LRP2: variants seen among roughly 807,000 people sequenced by gnomAD.
LRP2 encodes the protein LDL receptor related protein 2.
LRP2 carries 172 observed loss-of-function variants against 531.0 expected under a neutral mutation model. The ratio of observed to expected loss-of-function variants is 0.32; its 90% CI spans 0.29 to 0.37. The LOEUF is 0.37. Ranked by LOEUF, LRP2 falls within the 10% of genes least tolerant of loss-of-function variation. The probability of loss-of-function intolerance (pLI) is 1.00; values close to 1 mark genes in which losing one functional copy is unlikely to be tolerated. For missense variants in LRP2, 5,167 were observed against 5,868.3 expected, an observed-to-expected ratio of 0.88 and a Z score of 3.90; for synonymous variants, 1,992 against 2,027.6, an observed-to-expected ratio of 0.98 and a Z score of 0.47.
At chr2:169,178,758 T>C (rs1687311123) in intron 52 of LRP2, among the ~76,000 whole-genome samples, 1 of 152,112 alleles carries the variant, frequency 6.6e-6, no homozygotes, top group Non-Finnish European at 1.5e-5. Context: ...ATTTCTAAAA[T>C]AGTGAAAATT....
At position 169,146,644 on chromosome 2, in the gene LRP2, C is replaced by T. The variant is rs535833799; in HGVS notation, c.12811+95G>A. 1.6e-5 allele frequency: 17 copies of T among 1,065,424 alleles called. No individual in the cohort carries two copies. The South Asian group carries it at 2.2e-4, about 14-fold the overall frequency. 66.0% of individuals were successfully genotyped at this position (1,065,424 alleles called of 1,614,324 possible). On this transcript the variant is annotated intron_variant, in intron 69 of 78. Transcript: ENST00000649046. ...ATCTAAAAAACTATATAAGCCATTT[C>T]CTAAGAGCAGGGCTCCTTCTTGAGA... is the stretch of plus-strand genomic sequence containing the variant.
At chr2:169,294,086 C>T (rs1684073855) in intron 6 of LRP2, 62 bp downstream of exon 6, 16 of 1,233,628 alleles carry the variant, frequency 1.3e-5, no homozygotes, top group Non-Finnish European at 1.9e-5. Context: ...TAAAACAAAA[C>T]AAAACCGAAA....
At chr2:169,189,980 GA>G (rs955666780) in intron 48 of LRP2, among the ~76,000 whole-genome samples, 1 of 152,160 alleles carries the variant, frequency 6.6e-6, no homozygotes, top group African/African-American at 2.4e-5. Flanking sequence ...GAAGAACCCA[GA>G]AAGCTCAGAA....
At chr2:169,160,778 C>T (rs1173721626) in intron 63 of LRP2, among the ~76,000 whole-genome samples, 1 of 151,744 alleles carries the variant, frequency 6.6e-6, no homozygotes, top group Non-Finnish European at 1.5e-5. Flanking sequence ...AGTCAGAACC[C>T]AAACCTGCCA....
At chr2:169,157,957 T>TAAATTAAA (rs568534822) in intron 63 of LRP2, among the ~76,000 whole-genome samples, 3 of 145,974 alleles carry the variant, frequency 2.1e-5, no homozygotes, top group Admixed American at 1.4e-4. Flanking sequence ...AATAAATAAA[T>TAAATTAAA]AAAAGACATG....
chr2:169,275,303 T>C, intron 13 of LRP2, 65 bp from the exon 14 acceptor site: 1 of 1,265,126 alleles, frequency 7.9e-7, no homozygotes, highest in Non-Finnish European at 1.1e-6. Flanking sequence ...ATTAAAGCTG[T>C]AGTTAGTTCA....
intron 37 of LRP2, among the ~76,000 whole-genome samples, chr2:169,211,551 T>C (rs933107661): frequency 3.3e-5 from 5 of 152,188 alleles, no homozygotes; most frequent in African/African-American, 1.2e-4. Context: ...TAAATCTCCA[T>C]TAATAATCAG....
chr2:169,278,169 A>G (rs560888030), intron 12 of LRP2, among the ~76,000 whole-genome samples: 1 of 152,088 alleles, frequency 6.6e-6, no homozygotes, highest in South Asian at 2.1e-4. Context: ...ATTATGATGC[A>G]CTAATATGGC....
chr2:169,317,099 A>G (rs561797278), intron 3 of LRP2, among the ~76,000 whole-genome samples: 15 of 152,320 alleles, frequency 9.8e-5, no homozygotes, highest in Non-Finnish European at 1.9e-4. Context: ...TAAAAATGGG[A>G]GAATTGCCTC....
intron 5 of LRP2, 85 bp from the exon 6 acceptor site, chr2:169,294,346 G>T: frequency 2.3e-6 from 2 of 876,324 alleles, no homozygotes; most frequent in Non-Finnish European, 3.9e-6. Flanking sequence ...AGCATCTCCA[G>T]TTTAAAAAGG....
intron 33 of LRP2, among the ~76,000 whole-genome samples, chr2:169,221,903 A>C (rs1689026908): frequency 6.6e-6 from 1 of 150,720 alleles, no homozygotes; most frequent in Admixed American, 6.6e-5. Flanking sequence ...GAATATATAG[A>C]GCTCTCTCTC....
intron 48 of LRP2, 52 bp downstream of exon 48, chr2:169,191,779 AG>A (rs1687837851): frequency 5.9e-6 from 9 of 1,530,604 alleles, no homozygotes; most frequent in Non-Finnish European, 8.1e-6. Flanking sequence ...AAGTGAGCCC[AG>A]CCCCCATGGA....
At chr2:169,356,138 C>T (rs1685980540) in intron 1 of LRP2, among the ~76,000 whole-genome samples, 1 of 152,202 alleles carries the variant, frequency 6.6e-6, no homozygotes, top group African/African-American at 2.4e-5. Context: ...GCAATCCGCT[C>T]ACCTCAGACT....
At chr2:169,272,348 T>C (rs1227457193) in intron 15 of LRP2, among the ~76,000 whole-genome samples, 2 of 152,074 alleles carry the variant, frequency 1.3e-5, no homozygotes, top group East Asian at 3.9e-4. Flanking sequence ...TGGAGGCAGA[T>C]ACAAGAAAGT....
chr2:169,198,864 T>C lies in LRP2; in HGVS notation c.8500A>G (p.Ile2834Val), dbSNP rs374622140. ...CACAAATAAACGCGAGGAATACAAA[T>C]ATTTGAATTATGACATTTTGTGTAT... Reference protein sequence around the residue: ...SGYTKCHNSNICIPRVYLCDG... With the variant: ...SGYTKCHNSNVCIPRVYLCDG... Residue 2834 changes from isoleucine to valine, a missense_variant, in exon 45 of 79, where the codon ATT becomes GTT. Coordinates refer to ENST00000649046, the MANE Select transcript of LRP2 (RefSeq NM_004525.3). The C allele has an allele frequency of 6.2e-7, 1 of 1,613,906 alleles. No homozygotes were observed. Among genetic ancestry groups the C allele is most frequent in the Non-Finnish European group, 8.5e-7 (1 of 1,179,850 alleles).
intron 65 of LRP2, 123 bp downstream of exon 65, chr2:169,156,151 G>A (rs372082763): frequency 9.0e-6 from 12 of 1,331,710 alleles, no homozygotes; most frequent in African/African-American, 7.3e-5. Flanking sequence ...AGCAGCTGGC[G>A]AGTTTAAAAA....
chr2:169,285,904 T>C (rs1363459934), intron 9 of LRP2, among the ~76,000 whole-genome samples: 1 of 152,204 alleles, frequency 6.6e-6, no homozygotes, highest in Non-Finnish European at 1.5e-5. Context: ...GAGCCATGTC[T>C]AAGATAATAA....
chr2:169,355,918 T>G (rs1252152797), intron 1 of LRP2, among the ~76,000 whole-genome samples: 1 of 152,180 alleles, frequency 6.6e-6, no homozygotes, highest in Non-Finnish European at 1.5e-5. Flanking sequence ...TGAGACAGGG[T>G]CTCACTCTGT....
chr2:169,143,574 A>AG (rs1012383380), intron 70 of LRP2, among the ~76,000 whole-genome samples: 1 of 152,222 alleles, frequency 6.6e-6, no homozygotes, highest in African/African-American at 2.4e-5. Context: ...TGAACCCAGG[A>AG]GGCGGAGCTT....
Sources: gnomAD v4.1 joint callset for allele counts (sites outside exome capture counted in the v4.1 genomes callset) on GRCh38, gnomAD v4.1.1 for gene constraint, MANE v1.5 for transcripts, NCBI Gene and HGNC (gene_info 2026-07-23, HGNC 2026-07-21) for gene names.